USP15: variants seen among roughly 807,000 people sequenced by gnomAD.
The protein encoded by USP15 is ubiquitin carboxyl-terminal hydrolase 15.
A neutral mutation model predicts 127.1 loss-of-function variants in USP15; 18 were observed. That is an observed-to-expected ratio of 0.14 (90% CI 0.10 to 0.21). The LOEUF (loss-of-function observed/expected upper bound fraction) is 0.21, where lower values mean the gene tolerates loss of function less well. Ranked by LOEUF, USP15 falls within the 10% of genes least tolerant of loss-of-function variation. The pLI is 1.00. For missense variants in USP15, 805 were observed against 1,159.9 expected (o/e 0.69, Z 4.44); for synonymous variants, 364 against 393.7 (o/e 0.92, Z 0.89).
rs2067939892 is a variant in USP15 at position 62,408,291 on chromosome 12, A to G, written c.*3916A>G. 6.6e-6 allele frequency: 1 copy of G among 150,644 alleles called. No individual in the cohort carries two copies. The highest frequency in any genetic ancestry group is 6.7e-5 in the Admixed American group (1 of 14,980). The allele number at this position is 150,644 out of a possible 1,614,324, so 9.3% of individuals were successfully genotyped here. ...TTGTTTTGTTATTTTTAAGTTACCT[A>G]CAGATAATGCATTTCATTATTGCCT... On this transcript the variant is annotated 3_prime_UTR_variant, in exon 22 of 22. Coordinates refer to ENST00000280377, the MANE Select transcript of USP15 (RefSeq NM_001252078.2).
rs371458572 is a variant in USP15, at chr12:62,296,147, C to T, written c.217+1841C>T. Among the ~76,000 whole-genome samples the T allele has an allele frequency of 4.9e-4, 75 of 152,274 alleles. No individual in the cohort carries two copies. The South Asian group carries it at 0.015, about 30-fold the overall frequency. On this transcript the variant is annotated intron_variant, in intron 2 of 21. Transcript: ENST00000280377. ...CTCAGGTTGACAGCCAGCAAGGAAACGGGAACCTCAAACTCACAACCATGA... is the reference window on the plus strand; with the variant it reads ...CTCAGGTTGACAGCCAGCAAGGAAATGGGAACCTCAAACTCACAACCATGA...
intron 1 of USP15, among the ~76,000 whole-genome samples, chr12:62,278,297 C>T (rs1006147736): frequency 6.6e-6 from 1 of 152,134 alleles, no homozygotes; most frequent in African/African-American, 2.4e-5. Context: ...CTGCCTGAGG[C>T]TGTTCTACAG....
At chr12:62,341,909 A>G (rs2065658821) in intron 6 of USP15, among the ~76,000 whole-genome samples, 1 of 151,962 alleles carries the variant, frequency 6.6e-6, no homozygotes, top group Non-Finnish European at 1.5e-5. Context: ...GTATTTCCTG[A>G]ATGGGAATGT....
intron 8 of USP15, among the ~76,000 whole-genome samples, chr12:62,362,206 C>G (rs1422621063): frequency 6.6e-6 from 1 of 152,058 alleles, no homozygotes; most frequent in Admixed American, 6.5e-5. Flanking sequence ...TTATGCCAAT[C>G]AACCTATAAG....
intron 11 of USP15, among the ~76,000 whole-genome samples, chr12:62,386,850 TAAG>T (rs772469904): frequency 6.6e-5 from 10 of 152,062 alleles, no homozygotes; most frequent in Non-Finnish European, 1.3e-4. Flanking sequence ...TAAGACCAGG[TAAG>T]AAGCTTTTAA....
chr12:62,391,696 T>C (rs899344549), intron 16 of USP15, 120 bp from the exon 17 acceptor site: 2 of 980,350 alleles, frequency 2.0e-6, no homozygotes, highest in Non-Finnish European at 2.9e-6. Context: ...TTTGCCCTAA[T>C]CACCAGTACA....
chr12:62,368,092 G>C (rs1461276899), intron 8 of USP15, among the ~76,000 whole-genome samples: 1 of 152,176 alleles, frequency 6.6e-6, no homozygotes, highest in African/African-American at 2.4e-5. Flanking sequence ...GGAGCAGGTT[G>C]TTCAGTTTCC....
At chr12:62,307,515 G>A (rs1327338634) in intron 3 of USP15, among the ~76,000 whole-genome samples, 1 of 152,066 alleles carries the variant, frequency 6.6e-6, no homozygotes, top group Non-Finnish European at 1.5e-5. Context: ...CAGAAAACTT[G>A]TCTCTTAGTT....
intron 1 of USP15, among the ~76,000 whole-genome samples, chr12:62,293,621 G>C (rs192425049): frequency 1.4e-4 from 21 of 152,110 alleles, no homozygotes; most frequent in African/African-American, 5.1e-4. Context: ...CTTCCAAAGC[G>C]CTGGGATTAC....
At position 62,384,371 on chromosome 12, in the gene USP15, T is replaced by G. The variant is rs2067080843; in HGVS notation, c.1473+69T>G. On this transcript the variant is annotated intron_variant, in intron 11 of 21. Transcript: ENST00000280377. ...TGCATTTGTTATTTTTATTAAAAAATTAGTGTTGAGTCCTTATTATAAAAA... is the reference window on the plus strand; with the variant it reads ...TGCATTTGTTATTTTTATTAAAAAAGTAGTGTTGAGTCCTTATTATAAAAA... 3 of 1,187,390 alleles carry G rather than the reference T, an allele frequency of 2.5e-6. No homozygotes were observed. In the East Asian group the frequency reaches 7.7e-5, roughly 31 times the overall value. 73.6% of individuals were successfully genotyped at this position (1,187,390 alleles called of 1,614,324 possible).
chr12:62,295,162 T>A (rs2064092829), intron 2 of USP15, among the ~76,000 whole-genome samples: 1 of 152,102 alleles, frequency 6.6e-6, no homozygotes, highest in Non-Finnish European at 1.5e-5. Context: ...TGCTCTTAAG[T>A]CTTCAACTAT....
At chr12:62,342,165 T>G (rs1254061329) in intron 6 of USP15, among the ~76,000 whole-genome samples, 1 of 152,050 alleles carries the variant, frequency 6.6e-6, no homozygotes, top group Non-Finnish European at 1.5e-5. Flanking sequence ...AAGGTGATCT[T>G]CAATCTGTGG....
chr12:62,380,049 T>A (rs10877833), intron 8 of USP15, among the ~76,000 whole-genome samples: 56,217 of 151,728 alleles, frequency 0.37, 11,462 homozygotes, highest in East Asian at 0.55. Flanking sequence ...AAAGTTCTAC[T>A]GCTGAAAATA....
chr12:62,410,805 TTAA>T lies in USP15; in HGVS notation c.*6434_*6436del, dbSNP rs1420590946. On this transcript the variant is annotated 3_prime_UTR_variant, in exon 22 of 22. Coordinates refer to ENST00000280377, the MANE Select transcript of USP15 (RefSeq NM_001252078.2). ...AAAGTATATATTTTTAGCAAAGGAA[TTAA>T]TAACTAATAGCATTGATGAGTCAAG... 1 of 152,154 alleles carries T rather than the reference TTAA, an allele frequency of 6.6e-6. No homozygotes were observed. The highest frequency in any genetic ancestry group is 6.6e-5 in the Admixed American group (1 of 15,262). The allele number at this position is 152,154 out of a possible 1,614,324, so 9.4% of individuals were successfully genotyped here.
intron 11 of USP15, among the ~76,000 whole-genome samples, chr12:62,386,699 C>G (rs1051897568): frequency 6.6e-6 from 1 of 151,992 alleles, no homozygotes; most frequent in Non-Finnish European, 1.5e-5. Flanking sequence ...AACTTTGATG[C>G]CAGTATAGGA....
intron 21 of USP15, among the ~76,000 whole-genome samples, chr12:62,402,491 G>A (rs1007907366): frequency 6.6e-6 from 1 of 152,026 alleles, no homozygotes; most frequent in Non-Finnish European, 1.5e-5. Context: ...AGTTCATGTG[G>A]TAAAGATGAT....
chr12:62,277,349 A>G (rs1364060589), intron 1 of USP15, among the ~76,000 whole-genome samples: 1 of 152,142 alleles, frequency 6.6e-6, no homozygotes, highest in Non-Finnish European at 1.5e-5. Flanking sequence ...TCAGCAAGAG[A>G]AGGAAGGGGA....
At chr12:62,288,907 G>T (rs1475300844) in intron 1 of USP15, among the ~76,000 whole-genome samples, 3 of 152,168 alleles carry the variant, frequency 2.0e-5, no homozygotes, top group Non-Finnish European at 2.9e-5. Flanking sequence ...ATTTGCATAT[G>T]TTGAACTTCC....
At chr12:62,383,567 A>G (rs2122660) in intron 9 of USP15, among the ~76,000 whole-genome samples, 33,603 of 151,832 alleles carry the variant, frequency 0.22, 4,026 homozygotes, top group African/African-American at 0.33. Flanking sequence ...ACTACAAAGG[A>G]CACTTGTTTA....
Sources: gnomAD v4.1 joint callset for allele counts (sites outside exome capture counted in the v4.1 genomes callset) on GRCh38, gnomAD v4.1.1 for gene constraint, MANE v1.5 for transcripts, NCBI Gene and HGNC (gene_info 2026-07-23, HGNC 2026-07-21) for gene names.